Variants in CTNNA2 observed in about 807,000 individuals in gnomAD.
CTNNA2 encodes the protein catenin alpha 2.
Under a neutral mutation model 101.0 loss-of-function variants are expected in CTNNA2, and 42 were observed. The ratio of observed to expected loss-of-function variants is 0.42; its 90% CI spans 0.32 to 0.54. The LOEUF (loss-of-function observed/expected upper bound fraction) is 0.54. Among genes scored for constraint, CTNNA2 ranks in the 20% least tolerant of loss-of-function variants. The pLI is 0.14. For missense variants in CTNNA2, 871 were observed against 1,223.1 expected (o/e 0.71, Z 4.29); for synonymous variants, 450 against 456.4 (o/e 0.99, Z 0.18).
intron 7 of CTNNA2, among the ~76,000 whole-genome samples, chr2:80,143,327 A>G (rs1009837520): frequency 2.0e-5 from 3 of 152,172 alleles, no homozygotes; most frequent in Admixed American, 6.6e-5. Context: ...ATAATTGAAT[A>G]TATTTATGGA....
chr2:79,358,946 A>G (rs1463709204), intron 3 of CTNNA2, among the ~76,000 whole-genome samples: 2 of 152,208 alleles, frequency 1.3e-5, no homozygotes, highest in Non-Finnish European at 1.5e-5. Context: ...CAGAACATCC[A>G]GTGCAACAGA....
chr2:80,163,738 T>C (rs774558070), intron 7 of CTNNA2, among the ~76,000 whole-genome samples: 17 of 152,114 alleles, frequency 1.1e-4, no homozygotes, highest in African/African-American at 3.9e-4. Context: ...GCAATAATTG[T>C]AGAGTTGTCT....
intron 1 of CTNNA2, among the ~76,000 whole-genome samples, chr2:79,646,985 A>C (rs926068517): frequency 1.3e-5 from 2 of 152,196 alleles, no homozygotes; most frequent in Admixed American, 6.5e-5. Context: ...TCTGTATTCT[A>C]AGTCTCTCTA....
chr2:79,408,296 A>G (rs888084557), intron 4 of CTNNA2, among the ~76,000 whole-genome samples: 1 of 98,414 alleles, frequency 1.0e-5, no homozygotes. Context: ...TAAATTTATT[A>G]TTATTATTAT....
rs552234722 is a variant in CTNNA2 at position 80,646,365 on chromosome 2, A to C, written c.2575-1220A>C. ...TATCTCATTAGTTGATGTTACAAGA[A>C]GTTTGATGAAAGATCAGACTATGCT... On this transcript the variant is annotated intron_variant, in intron 18 of 18. Transcript: ENST00000402739. Among the ~76,000 whole-genome samples, 369 of 152,242 alleles carry C rather than the reference A, an allele frequency of 2.4e-3. 2 individuals carry two copies. The highest frequency in any genetic ancestry group is 8.3e-3 in the African/African-American group (344 of 41,566).
chr2:79,835,692 T>TG lies in CTNNA2; in HGVS notation c.299-22321_299-22320insG, dbSNP rs1558565854. ...TTTTTTTTTTTTTTTTTTTTTTTTT[T>TG]TTTTTTTTTTTGAGACAGAGTGTTG... is the stretch of plus-strand genomic sequence containing the variant. On this transcript the variant is annotated intron_variant, in intron 3 of 18. Transcript: ENST00000402739. Among the ~76,000 whole-genome samples the TG allele has an allele frequency of 4.3e-4, 42 of 96,556 alleles. 1 individual carries two copies. Among genetic ancestry groups the TG allele is most frequent in the African/African-American group, 1.8e-3 (42 of 23,894 alleles). The allele number at this position is 96,556 out of a possible 152,430, so 63.3% of individuals were successfully genotyped here. A position where few individuals can be genotyped will look rare whatever the true frequency, so the allele number is the denominator to read the frequency against.
intron 7 of CTNNA2, among the ~76,000 whole-genome samples, chr2:80,031,204 G>A (rs999295722): frequency 3.3e-5 from 5 of 152,118 alleles, no homozygotes. Flanking sequence ...ATGTACATGT[G>A]TATATATCAG....
chr2:80,098,167 C>T (rs913640215), intron 7 of CTNNA2, among the ~76,000 whole-genome samples: 9 of 152,076 alleles, frequency 5.9e-5, no homozygotes, highest in African/African-American at 1.4e-4. Context: ...ATGATGGTGA[C>T]GTACAAATGG....
At chr2:79,346,285 T>A (rs1450896394) in intron 3 of CTNNA2, among the ~76,000 whole-genome samples, 1 of 152,160 alleles carries the variant, frequency 6.6e-6, no homozygotes, top group Non-Finnish European at 1.5e-5. Flanking sequence ...AGAGACAGAC[T>A]ATTATTATTA....
chr2:79,346,136 T>C (rs1165878833), intron 3 of CTNNA2, among the ~76,000 whole-genome samples: 1 of 152,212 alleles, frequency 6.6e-6, no homozygotes, highest in East Asian at 1.9e-4. Flanking sequence ...GTAGACTGTC[T>C]AGAAACATGA....
At chr2:79,656,809 A>G (rs576194496) in intron 2 of CTNNA2, among the ~76,000 whole-genome samples, 20 of 152,098 alleles carry the variant, frequency 1.3e-4, no homozygotes, top group African/African-American at 4.8e-4. Context: ...TTAGAAAACT[A>G]ACACAATTTA....
rs191683132 is a variant in CTNNA2, at chr2:79,599,657, C to T, written c.-5-51895C>T. Among the ~76,000 whole-genome samples, 4 of 152,210 alleles carry T rather than the reference C, an allele frequency of 2.6e-5. No homozygotes were observed. The East Asian group carries it at 7.7e-4, about 29-fold the overall frequency. Reference sequence around the variant, plus strand: ...CTTGTCAGAAAAATGGGAATGAAAACTGTACCTGGAAGTTTAGGACATTTG... The same window carrying T: ...CTTGTCAGAAAAATGGGAATGAAAATTGTACCTGGAAGTTTAGGACATTTG... On this transcript the variant is annotated intron_variant, in intron 1 of 18. Transcript: ENST00000402739.
At chr2:80,229,901 A>G (rs1306367176) in intron 7 of CTNNA2, among the ~76,000 whole-genome samples, 1 of 152,130 alleles carries the variant, frequency 6.6e-6, no homozygotes, top group African/African-American at 2.4e-5. Flanking sequence ...GGTTCTCTAT[A>G]TAATGTTTTG....
At chr2:79,398,446 G>A (rs1484363360) in intron 4 of CTNNA2, among the ~76,000 whole-genome samples, 1 of 152,070 alleles carries the variant, frequency 6.6e-6, no homozygotes, top group Non-Finnish European at 1.5e-5. Flanking sequence ...AACCACCTGA[G>A]TTTTTTATTC....
At chr2:79,916,347 A>T (rs1178423405) in intron 7 of CTNNA2, among the ~76,000 whole-genome samples, 1 of 151,866 alleles carries the variant, frequency 6.6e-6, no homozygotes, top group East Asian at 1.9e-4. Flanking sequence ...GCCTGTGGTG[A>T]GGTTTTCCTT....
chr2:80,477,554 T>C (rs1685824297), intron 9 of CTNNA2, among the ~76,000 whole-genome samples: 1 of 152,112 alleles, frequency 6.6e-6, no homozygotes, highest in Non-Finnish European at 1.5e-5. Flanking sequence ...TACTACTCTA[T>C]ATGCCTTTGC....
chr2:80,018,369 C>T (rs1053715734), intron 7 of CTNNA2, among the ~76,000 whole-genome samples: 6 of 152,300 alleles, frequency 3.9e-5, no homozygotes, highest in African/African-American at 9.6e-5. Context: ...TTGCTGGAAA[C>T]GGCTCCCTTT....
At position 80,343,626 on chromosome 2, in the gene CTNNA2, A is replaced by C. The variant is rs569928514; in HGVS notation, c.1057-49585A>C. ...AAATTCAGGATAAAGGGCACAAGGA[A>C]AAAACAAACTTACCATTTTCACACA... On this transcript the variant is annotated intron_variant, in intron 7 of 18. Transcript: ENST00000402739. Among the ~76,000 whole-genome samples the C allele has an allele frequency of 9.9e-4, 151 of 152,280 alleles. 1 individual carries two copies. The highest frequency in any genetic ancestry group is 3.6e-3 in the African/African-American group (148 of 41,554).
At chr2:80,294,298 G>A (rs1289344035) in intron 7 of CTNNA2, among the ~76,000 whole-genome samples, 4 of 152,132 alleles carry the variant, frequency 2.6e-5, no homozygotes, top group Non-Finnish European at 4.4e-5. Context: ...TCTAAACAGC[G>A]CTTTGTAAAC....
Sources: gnomAD v4.1 joint callset for allele counts (sites outside exome capture counted in the v4.1 genomes callset) on GRCh38, gnomAD v4.1.1 for gene constraint, MANE v1.5 for transcripts, NCBI Gene and HGNC (gene_info 2026-07-23, HGNC 2026-07-21) for gene names.